The following KIF26B variants were observed in gnomAD, a reference collection of about 807,000 sequenced individuals.
The protein encoded by KIF26B is kinesin family member 26B.
A neutral mutation model predicts 151.2 loss-of-function variants in KIF26B; 63 were observed. That is an observed-to-expected ratio of 0.42 (90% confidence interval 0.34 to 0.51). The LOEUF is 0.51. Ranked by LOEUF, KIF26B falls within the 20% of genes least tolerant of loss-of-function variation. KIF26B has a pLI of 0.07. For synonymous variants in KIF26B, 1,357 were observed against 1,262.1 expected (o/e 1.08, Z -1.59); for missense variants, 2,813 against 2,913.6 (o/e 0.97, Z 0.79).
rs552695683 is a variant in KIF26B at position 245,517,894 on chromosome 1, A to T, written c.1167-22873A>T. 2.6e-3 allele frequency among the ~76,000 whole-genome samples: 370 copies of T among 142,702 alleles called. 1 individual carries two copies. The highest frequency in any genetic ancestry group is 9.4e-3 in the African/African-American group (362 of 38,380). The allele number at this position is 142,702 out of a possible 152,430, so 93.6% of individuals were successfully genotyped here. On this transcript the variant is annotated intron_variant, in intron 4 of 14. Transcript: ENST00000407071. Reference sequence around the variant, plus strand: ...ATTTTTTTTTTTTTTTTTTTTTGAGAATGAGTCTCACTCTATCGCGCAGGC... The same window carrying T: ...ATTTTTTTTTTTTTTTTTTTTTGAGTATGAGTCTCACTCTATCGCGCAGGC...
intron 4 of KIF26B, among the ~76,000 whole-genome samples, chr1:245,532,986 T>A (rs1179371982): frequency 6.6e-6 from 1 of 152,230 alleles, no homozygotes; most frequent in Non-Finnish European, 1.5e-5. Context: ...TACATGTGGA[T>A]GAATATCTTC....
chr1:245,442,329 G>A (rs1659125037), intron 4 of KIF26B, among the ~76,000 whole-genome samples: 1 of 152,146 alleles, frequency 6.6e-6, no homozygotes, highest in African/African-American at 2.4e-5. Context: ...GGGTGTTCAG[G>A]CACATGTGTG....
chr1:245,355,930 C>A (rs1237072132), intron 2 of KIF26B, among the ~76,000 whole-genome samples: 2 of 152,152 alleles, frequency 1.3e-5, no homozygotes, highest in Non-Finnish European at 2.9e-5. Flanking sequence ...CTTCTCCCTG[C>A]CTCCTCTTGG....
intron 2 of KIF26B, among the ~76,000 whole-genome samples, chr1:245,319,146 T>C (rs1382387197): frequency 6.6e-6 from 1 of 152,228 alleles, no homozygotes; most frequent in African/African-American, 2.4e-5. Flanking sequence ...AAACACAAGC[T>C]GAACAAACAT....
intron 2 of KIF26B, among the ~76,000 whole-genome samples, chr1:245,186,546 G>A (rs538471468): frequency 6.6e-6 from 1 of 152,160 alleles, no homozygotes; most frequent in African/African-American, 2.4e-5. Flanking sequence ...AGCTTGAAAG[G>A]GGGTGTAGGA....
chr1:245,612,409 C>A (rs768114350), intron 9 of KIF26B, among the ~76,000 whole-genome samples: 1 of 152,066 alleles, frequency 6.6e-6, no homozygotes, highest in African/African-American at 2.4e-5. Flanking sequence ...CCATGCCTAG[C>A]CAAACTTTTC....
chr1:245,387,169 T>G (rs1558146471), intron 3 of KIF26B, among the ~76,000 whole-genome samples: 1 of 36,990 alleles, frequency 2.7e-5, no homozygotes, highest in African/African-American at 1.2e-4. Context: ...TTGTTTTTTG[T>G]TTTTTGTTTT....
chr1:245,662,570 C>A (rs201559712), intron 10 of KIF26B, among the ~76,000 whole-genome samples: 1 of 102,898 alleles, frequency 9.7e-6, no homozygotes, highest in East Asian at 3.2e-4. Context: ...ATACACACAC[C>A]CTATATATAT....
At chr1:245,434,238 C>T (rs1183302435) in intron 4 of KIF26B, among the ~76,000 whole-genome samples, 1 of 152,220 alleles carries the variant, frequency 6.6e-6, no homozygotes, top group East Asian at 1.9e-4. Context: ...AGTTCTTAGG[C>T]ATACTCTTAC....
At chr1:245,627,745 A>G (rs980714085) in intron 9 of KIF26B, among the ~76,000 whole-genome samples, 1 of 152,150 alleles carries the variant, frequency 6.6e-6, no homozygotes, top group Non-Finnish European at 1.5e-5. Flanking sequence ...CTAGACTAAT[A>G]AAGAAGAAAA....
At chr1:245,574,330 G>C (rs1372171900) in intron 5 of KIF26B, among the ~76,000 whole-genome samples, 1 of 152,164 alleles carries the variant, frequency 6.6e-6, no homozygotes, top group Admixed American at 6.5e-5. Flanking sequence ...TTTTGGTAGA[G>C]ATGGGGTTTC....
chr1:245,655,630 G>A (rs2044064649), intron 10 of KIF26B, among the ~76,000 whole-genome samples: 1 of 152,228 alleles, frequency 6.6e-6, no homozygotes, highest in Non-Finnish European at 1.5e-5. Context: ...TGAGCCTGGG[G>A]TGGGGGTTCG....
chr1:245,327,674 A>T (rs1388358736), intron 2 of KIF26B, among the ~76,000 whole-genome samples: 2 of 152,186 alleles, frequency 1.3e-5, no homozygotes, highest in African/African-American at 2.4e-5. Flanking sequence ...GTGTCCCTGG[A>T]AGAGTCAAGA....
rs1046303374 is a variant in KIF26B at position 245,606,578 on chromosome 1, T to C, written c.1558-1073T>C. The stretch of plus-strand genomic sequence containing the variant: ...ACAGCTCTGATGGCTCGCAGAGCTC[T>C]GTATTAGCGGGTGTTCAGGGGAAAT... On this transcript the variant is annotated intron_variant, in intron 6 of 14. Transcript: ENST00000407071. The surrounding 1 kb of genome is among the most constrained non-coding windows in gnomAD (Gnocchi z 4.6). Among the ~76,000 whole-genome samples the C allele has an allele frequency of 2.0e-5, 3 of 152,258 alleles. No individual in the cohort carries two copies. Among genetic ancestry groups the C allele is most frequent in the Admixed American group, 1.3e-4 (2 of 15,286 alleles).
chr1:245,536,817 TG>T (rs1157942794), intron 4 of KIF26B, among the ~76,000 whole-genome samples: 1 of 152,202 alleles, frequency 6.6e-6, no homozygotes, highest in Non-Finnish European at 1.5e-5. Flanking sequence ...CTTTTCCACT[TG>T]ACCCTCTCCA....
intron 2 of KIF26B, among the ~76,000 whole-genome samples, chr1:245,229,117 C>G (rs1275775936): frequency 6.6e-6 from 1 of 152,072 alleles, no homozygotes; most frequent in Non-Finnish European, 1.5e-5. Context: ...CAGGCACGTG[C>G]CACGATATCT....
intron 4 of KIF26B, among the ~76,000 whole-genome samples, chr1:245,443,397 C>T (rs1342029730): frequency 7.0e-6 from 1 of 141,870 alleles, no homozygotes; most frequent in African/African-American, 2.6e-5. Flanking sequence ...TCACTGTTCA[C>T]CTAGAGGAGA....
chr1:245,685,241 G>A (rs2044494055), intron 11 of KIF26B, among the ~76,000 whole-genome samples, 164 bp from the exon 12 acceptor site: 1 of 152,234 alleles, frequency 6.6e-6, no homozygotes, highest in Admixed American at 6.5e-5. Context: ...GTGACACCGG[G>A]CGCGCGGGCA....
intron 4 of KIF26B, among the ~76,000 whole-genome samples, chr1:245,438,537 G>A (rs778790475): frequency 6.6e-6 from 1 of 152,158 alleles, no homozygotes; most frequent in Middle Eastern, 3.4e-3. Flanking sequence ...TTCACTCTAG[G>A]TATATACCAA....
Sources: allele counts gnomAD v4.1 joint callset (sites outside exome capture counted in the v4.1 genomes callset), GRCh38; gene constraint gnomAD v4.1.1; non-coding constraint Gnocchi (gnomAD v3.1); transcripts MANE v1.5; gene names NCBI Gene and HGNC (gene_info 2026-07-23, HGNC 2026-07-21).